The following DHX35 variants were observed in gnomAD, a reference collection of about 807,000 sequenced individuals.
The protein encoded by DHX35 is DEAH-box helicase 35.
A neutral mutation model predicts 99.6 loss-of-function variants in DHX35; 84 were observed. The ratio of observed to expected loss-of-function variants is 0.84; its 90% CI spans 0.71 to 1.01. The LOEUF (loss-of-function observed/expected upper bound fraction) is 1.01, where lower values mean the gene tolerates loss of function less well. DHX35 is among the 50% of genes least tolerant of loss of function. The pLI is 0.00. For synonymous variants in DHX35, 331 were observed against 316.2 expected (o/e 1.05, Z -0.50); for missense variants, 852 against 888.5 (o/e 0.96, Z 0.52).
At chr20:38,995,230 G>A (rs753125621) in intron 8 of DHX35, among the ~76,000 whole-genome samples, 33 of 152,094 alleles carry the variant, frequency 2.2e-4, no homozygotes, top group Admixed American at 3.3e-4. Flanking sequence ...CTGTGCAATT[G>A]AAGTTTCTCC....
chr20:39,031,376 C>T (rs1421749334), intron 20 of DHX35, among the ~76,000 whole-genome samples: 5 of 150,810 alleles, frequency 3.3e-5, no homozygotes, highest in African/African-American at 1.2e-4. Flanking sequence ...CTCTGTCGCC[C>T]AGGCTGGAGT....
chr20:38,993,269 C>T (rs1376729478), intron 7 of DHX35, among the ~76,000 whole-genome samples: 1 of 152,178 alleles, frequency 6.6e-6, no homozygotes, highest in Non-Finnish European at 1.5e-5. Context: ...CACTAGCCAC[C>T]TGTAGCTATT....
chr20:39,027,077 C>G (rs1038032582), intron 18 of DHX35, among the ~76,000 whole-genome samples: 1 of 152,152 alleles, frequency 6.6e-6, no homozygotes, highest in Non-Finnish European at 1.5e-5. Flanking sequence ...GCTCCCCTCC[C>G]CCTGCCTCCA....
chr20:39,031,327 A>C, intron 20 of DHX35, among the ~76,000 whole-genome samples: 1 of 147,990 alleles, frequency 6.8e-6, no homozygotes, highest in South Asian at 2.1e-4. Flanking sequence ...ATCCCAGCTC[A>C]CGGTTCTTTT....
chr20:39,004,014 A>G (rs1409587229), intron 11 of DHX35, 107 bp downstream of exon 11: 4 of 1,295,760 alleles, frequency 3.1e-6, no homozygotes, highest in Admixed American at 2.0e-5. Flanking sequence ...TTCTAGGTCC[A>G]TATTTCTGTG....
intron 16 of DHX35, among the ~76,000 whole-genome samples, chr20:39,023,255 T>C (rs1165729214): frequency 1.3e-5 from 2 of 152,264 alleles, no homozygotes; most frequent in African/African-American, 4.8e-5. Flanking sequence ...AGCTGAGTTC[T>C]TTCAAGATAT....
At chr20:39,007,276 T>C (rs2086633957) in intron 12 of DHX35, among the ~76,000 whole-genome samples, 2 of 152,222 alleles carry the variant, frequency 1.3e-5, no homozygotes, top group Admixed American at 1.3e-4. Context: ...TGCTGTATGC[T>C]GGCCACGGTG....
intron 13 of DHX35, among the ~76,000 whole-genome samples, chr20:39,010,722 T>C (rs1444420086): frequency 6.6e-6 from 1 of 152,116 alleles, no homozygotes; most frequent in Non-Finnish European, 1.5e-5. Context: ...GAAACCCAAA[T>C]AGAATCTCAC....
chr20:39,014,882 CCCT>C lies in DHX35; in HGVS notation c.1353_1355del (p.Pro452del). The stretch of plus-strand genomic sequence containing the variant: ...GAAGATTTTTATGTTTTTTCCAGCC[CCCT>C]CCAGCACAGTCGATGGTTCAAGCCT... On this transcript the variant is annotated inframe_deletion, in exon 14 of 22. Transcript: ENST00000252011. The C allele has an allele frequency of 6.2e-7, 1 of 1,614,042 alleles. No individual in the cohort carries two copies. The highest frequency in any genetic ancestry group is 8.5e-7 in the Non-Finnish European group (1 of 1,179,988).
intron 2 of DHX35, among the ~76,000 whole-genome samples, chr20:38,969,760 A>G (rs961805093): frequency 6.6e-6 from 1 of 152,236 alleles, no homozygotes; most frequent in Non-Finnish European, 1.5e-5. Flanking sequence ...GCTCAGCTAC[A>G]AGAGACCAAA....
chr20:38,977,933 C>T, intron 3 of DHX35: 2 of 605,524 alleles, frequency 3.3e-6, no homozygotes, highest in South Asian at 1.4e-5. Flanking sequence ...AAATCATCAT[C>T]ATTAGCAGCA....
At chr20:39,021,996 T>C in intron 16 of DHX35, 61 bp downstream of exon 16, 2 of 1,532,760 alleles carry the variant, frequency 1.3e-6, no homozygotes, top group Non-Finnish European at 1.8e-6. Context: ...GCTTTCGTTG[T>C]CAAAACTGTA....
At chr20:39,032,727 A>G (rs531561929) in intron 20 of DHX35, among the ~76,000 whole-genome samples, 2 of 152,262 alleles carry the variant, frequency 1.3e-5, no homozygotes, top group South Asian at 2.1e-4. Flanking sequence ...GTCCCATTCA[A>G]TCAGAAACTG....
chr20:39,037,176 G>A (rs2087167601), intron 21 of DHX35, among the ~76,000 whole-genome samples: 3 of 152,170 alleles, frequency 2.0e-5, no homozygotes, highest in Admixed American at 1.3e-4. Context: ...AGCTAAGGCC[G>A]TGGATATCTA....
chr20:39,022,030 C>G (rs1336616805), intron 16 of DHX35, 95 bp downstream of exon 16: 3 of 1,246,052 alleles, frequency 2.4e-6, no homozygotes, highest in Non-Finnish European at 3.5e-6. Flanking sequence ...GAAGACAGAG[C>G]TGTACAAATG....
chr20:39,021,726 T>C (rs760061377), intron 15 of DHX35, 115 bp from the exon 16 acceptor site: 16 of 1,044,180 alleles, frequency 1.5e-5, no homozygotes, highest in Non-Finnish European at 2.2e-5. Context: ...AATTAAGCTC[T>C]AGAAAAAATA....
intron 13 of DHX35, among the ~76,000 whole-genome samples, chr20:39,013,950 G>GGTA (rs1026374053): frequency 7.9e-5 from 12 of 152,162 alleles, no homozygotes; most frequent in African/African-American, 2.7e-4. Context: ...AAGTAGGGAA[G>GGTA]GTAGACTGGG....
At position 39,029,841 on chromosome 20, in the gene DHX35, C is replaced by A. The variant is rs55785016; in HGVS notation, c.1884-863C>A. ...CACCCCCTGGTAGGACAGCCCAGGA[C>A]CCCAGGACGCTGGCTTTATTACAAT... On this transcript the variant is annotated intron_variant, in intron 19 of 21. Coordinates refer to ENST00000252011, the MANE Select transcript of DHX35 (RefSeq NM_021931.4). The A allele has an allele frequency of 4.1e-3, 626 of 152,348 alleles. 4 individuals are homozygous for A. Among genetic ancestry groups the A allele is most frequent in the Non-Finnish European group, 6.6e-3 (451 of 68,064 alleles). 9.4% of individuals were successfully genotyped at this position (152,348 alleles called of 1,614,324 possible).
chr20:39,023,806 C>T (rs149797748), intron 17 of DHX35, 39 bp downstream of exon 17: 2 of 1,548,032 alleles, frequency 1.3e-6, no homozygotes, highest in Non-Finnish European at 1.8e-6. Flanking sequence ...CCTCAACACA[C>T]CACCCTCTGG....
Sources: allele counts gnomAD v4.1 joint callset (sites outside exome capture counted in the v4.1 genomes callset), GRCh38; gene constraint gnomAD v4.1.1; transcripts MANE v1.5; gene names NCBI Gene and HGNC (gene_info 2026-07-23, HGNC 2026-07-21).